FBXW11: variants seen among roughly 807,000 people sequenced by gnomAD.
FBXW11 encodes the protein F-box and WD repeat domain containing 11.
FBXW11 carries 19 observed loss-of-function variants against 77.6 expected under a neutral mutation model. The ratio of observed to expected loss-of-function variants is 0.24; its 90% CI spans 0.17 to 0.36. The LOEUF (loss-of-function observed/expected upper bound fraction) is 0.36. FBXW11 is among the 10% of genes least tolerant of loss of function. FBXW11 has a pLI of 1.00. For synonymous variants in FBXW11, 235 were observed against 249.4 expected (o/e 0.94, Z 0.54); for missense variants, 334 against 704.2 (o/e 0.47, Z 5.95).
chr5:171,905,345 G>C (rs1348680889), intron 4 of FBXW11, among the ~76,000 whole-genome samples: 1 of 152,104 alleles, frequency 6.6e-6, no homozygotes, highest in Non-Finnish European at 1.5e-5. Flanking sequence ...ATAACCTTCT[G>C]AGATAGGTAC....
At chr5:171,964,267 A>C (rs970246612) in intron 1 of FBXW11, among the ~76,000 whole-genome samples, 1 of 152,260 alleles carries the variant, frequency 6.6e-6, no homozygotes, top group Non-Finnish European at 1.5e-5. Context: ...TACTGATAGA[A>C]TATCAAACAA....
chr5:171,931,978 G>T (rs998570105), intron 2 of FBXW11, among the ~76,000 whole-genome samples: 1 of 151,026 alleles, frequency 6.6e-6, no homozygotes, highest in East Asian at 1.9e-4. Context: ...AGGCTCAAGT[G>T]ATCCTCCCAC....
chr5:171,877,915 G>T (rs1442881429), intron 8 of FBXW11, 96 bp downstream of exon 8: 2 of 871,512 alleles, frequency 2.3e-6, no homozygotes, highest in Non-Finnish European at 3.7e-6. Context: ...ATGTAAAAAT[G>T]TAAGTTTGTG....
chr5:172,004,867 GCACACACA>G (rs112994412), intron 1 of FBXW11, among the ~76,000 whole-genome samples: 2,485 of 149,444 alleles, frequency 0.017, 65 homozygotes, highest in African/African-American at 0.057. Flanking sequence ...AACCCCACGT[GCACACACA>G]CACACACACA....
chr5:171,963,683 A>G (rs1043176651), intron 1 of FBXW11, among the ~76,000 whole-genome samples: 1 of 152,174 alleles, frequency 6.6e-6, no homozygotes, highest in Non-Finnish European at 1.5e-5. Flanking sequence ...ATGGAGGTGG[A>G]GGTGGACAGG....
intron 2 of FBXW11, among the ~76,000 whole-genome samples, chr5:171,945,113 A>G (rs1460747290): frequency 3.3e-5 from 5 of 152,268 alleles, no homozygotes; most frequent in Non-Finnish European, 5.9e-5. Context: ...AACATGGAAT[A>G]TAATTTCATA....
At chr5:171,952,401 T>C (rs1384391820) in intron 2 of FBXW11, among the ~76,000 whole-genome samples, 1 of 118,896 alleles carries the variant, frequency 8.4e-6, no homozygotes, top group Admixed American at 9.5e-5. Context: ...TGTATATGTG[T>C]GTGTGTGTTG....
At chr5:171,895,361 A>G (rs1311804338) in intron 6 of FBXW11, among the ~76,000 whole-genome samples, 1 of 152,206 alleles carries the variant, frequency 6.6e-6, no homozygotes, top group Non-Finnish European at 1.5e-5. Flanking sequence ...TTAGAAGCCT[A>G]AACACAACTG....
In FBXW11 at chr5:171,970,114, G is replaced by A. The variant is rs1316775425; in HGVS notation, c.46-12416C>T. 2.0e-5 allele frequency among the ~76,000 whole-genome samples: 3 copies of A among 152,202 alleles called. No individual in the cohort carries two copies. In the East Asian group the frequency reaches 5.8e-4, roughly 29 times the overall value. ...TGAGAGCTCTGAAAAAGTACCTGCA[G>A]AATAAAAGTTGGCCCTGTTAAAAAA... On this transcript the variant is annotated intron_variant, in intron 1 of 13. Transcript: ENST00000517395.
chr5:171,933,338 T>C (rs1024622274), intron 2 of FBXW11, among the ~76,000 whole-genome samples: 98 of 152,128 alleles, frequency 6.4e-4, no homozygotes, highest in African/African-American at 2.1e-3. Flanking sequence ...ATTAAAACAA[T>C]TAGTGATTGT....
At chr5:171,902,788 CAATGT>C (rs1760217762) in intron 4 of FBXW11, among the ~76,000 whole-genome samples, 1 of 152,210 alleles carries the variant, frequency 6.6e-6, no homozygotes, top group Non-Finnish European at 1.5e-5. Flanking sequence ...TCCAGGCATA[CAATGT>C]ATTTAGGCCT....
At chr5:171,902,907 T>C (rs1760231927) in intron 4 of FBXW11, among the ~76,000 whole-genome samples, 2 of 152,210 alleles carry the variant, frequency 1.3e-5, no homozygotes, top group African/African-American at 4.8e-5. Flanking sequence ...GTTGGGGGGA[T>C]GGTGGGATTA....
chr5:171,957,867 C>T (rs1293446121), intron 1 of FBXW11, among the ~76,000 whole-genome samples, 169 bp from the exon 2 acceptor site: 1 of 152,186 alleles, frequency 6.6e-6, no homozygotes, highest in East Asian at 1.9e-4. Context: ...GGAGGGCCCA[C>T]TTGATGTTCT....
At chr5:171,990,414 A>T (rs1165461392) in intron 1 of FBXW11, among the ~76,000 whole-genome samples, 1 of 152,202 alleles carries the variant, frequency 6.6e-6, no homozygotes, top group Non-Finnish European at 1.5e-5. Context: ...GAGAGTATAA[A>T]TTGCTGCAAT....
chr5:171,966,090 C>A (rs1764174059), intron 1 of FBXW11, among the ~76,000 whole-genome samples: 1 of 152,156 alleles, frequency 6.6e-6, no homozygotes, highest in Admixed American at 6.5e-5. Flanking sequence ...GTTAAGCCTG[C>A]AGAACTGTGA....
chr5:171,929,831 G>C (rs920280053), intron 2 of FBXW11, among the ~76,000 whole-genome samples: 2 of 152,156 alleles, frequency 1.3e-5, no homozygotes, highest in African/African-American at 4.8e-5. Flanking sequence ...CAGCCTAGGC[G>C]AGAGAGCGAG....
At chr5:171,897,810 A>C (rs1236035027) in intron 6 of FBXW11, among the ~76,000 whole-genome samples, 1 of 152,106 alleles carries the variant, frequency 6.6e-6, no homozygotes, top group Non-Finnish European at 1.5e-5. Context: ...GTACATAAGA[A>C]ATGCCTTAGT....
intron 1 of FBXW11, among the ~76,000 whole-genome samples, chr5:171,981,232 A>G (rs961873419): frequency 6.6e-6 from 1 of 152,122 alleles, no homozygotes; most frequent in African/African-American, 2.4e-5. Context: ...GTATACCCCA[A>G]CTTCACAGAG....
chr5:171,884,006 A>C (rs1758709844), intron 7 of FBXW11, among the ~76,000 whole-genome samples: 2 of 152,164 alleles, frequency 1.3e-5, no homozygotes, highest in Admixed American at 6.5e-5. Context: ...TACTCTGCTA[A>C]CTGTTCCTTG....
Sources: allele counts gnomAD v4.1 joint callset (sites outside exome capture counted in the v4.1 genomes callset), GRCh38; gene constraint gnomAD v4.1.1; transcripts MANE v1.5; gene names NCBI Gene and HGNC (gene_info 2026-07-23, HGNC 2026-07-21).